The following GRM1 variants were observed in gnomAD, a reference collection of about 807,000 sequenced individuals.
GRM1 encodes metabotropic glutamate receptor 1.
In GRM1, 33 loss-of-function variants were observed where a neutral mutation model predicts 90.9. That is an observed-to-expected ratio of 0.36 (90% CI 0.28 to 0.49). The LOEUF (loss-of-function observed/expected upper bound fraction) is 0.49, where lower values mean the gene tolerates loss of function less well. GRM1 is among the 20% of genes least tolerant of loss of function. The pLI, the probability that GRM1 is intolerant of heterozygous loss-of-function variation, is 0.99. For synonymous variants in GRM1, 700 were observed against 613.2 expected (o/e 1.14, Z -2.09); for missense variants, 1,190 against 1,534.3 (o/e 0.78, Z 3.75).
At position 146,304,821 on chromosome 6, in the gene GRM1, T is replaced by C; in HGVS notation, c.1161T>C (p.Asn387=). The C allele has an allele frequency of 1.2e-6, 2 of 1,613,070 alleles. No homozygotes were observed. The highest frequency in any genetic ancestry group is 1.1e-5 in the South Asian group (1 of 91,050). ...GCCTTCCAGGACACCTTCTGGAAAATCCCAACTTTAAACGAATCTGCACAG... is the reference window on the plus strand; with the variant it reads ...GCCTTCCAGGACACCTTCTGGAAAACCCCAACTTTAAACGAATCTGCACAG... ...QCRLPGHLLE[N]PNFKRICTGN... The change falls in exon 3 of 8, where the codon AAT becomes AAC. Residue 387 remains asparagine, a synonymous_variant. Coordinates refer to ENST00000282753, the MANE Select transcript of GRM1 (RefSeq NM_001278064.2).
intron 1 of GRM1, among the ~76,000 whole-genome samples, chr6:146,066,661 C>T (rs1458784603): frequency 1.3e-5 from 2 of 152,126 alleles, no homozygotes; most frequent in African/African-American, 2.4e-5. Flanking sequence ...AACTAATTTA[C>T]ATTCCACCAA....
chr6:146,408,603 C>T (rs1468110127), intron 7 of GRM1, among the ~76,000 whole-genome samples: 1 of 152,122 alleles, frequency 6.6e-6, no homozygotes, highest in African/African-American at 2.4e-5. Context: ...CGTAATTACC[C>T]CTTCAAGTAA....
At chr6:146,406,108 G>A (rs1043781921) in intron 7 of GRM1, among the ~76,000 whole-genome samples, 3 of 152,204 alleles carry the variant, frequency 2.0e-5, no homozygotes, top group Non-Finnish European at 4.4e-5. Context: ...TAATATCTGA[G>A]AAAAGAGGTG....
At position 146,180,486 on chromosome 6, in the gene GRM1, T is replaced by C. The variant is rs1562513293; in HGVS notation, c.950+20889T>C. Among the ~76,000 whole-genome samples the C allele has an allele frequency of 3.3e-5, 5 of 152,150 alleles. 1 individual carries two copies. In the South Asian group the frequency reaches 1.0e-3, roughly 31 times the overall value. ...AAAAGCAGAGGAACTTTTTTTTTCA[T>C]CTTTACAAGTTAGAGCTCTTGGAGG... On this transcript the variant is annotated intron_variant, in intron 2 of 7. Transcript: ENST00000282753.
chr6:146,096,794 T>C (rs1289116437), intron 1 of GRM1, among the ~76,000 whole-genome samples: 2 of 152,140 alleles, frequency 1.3e-5, no homozygotes, highest in Non-Finnish European at 2.9e-5. Flanking sequence ...AGCTGTGAGA[T>C]AGTTTTGGTT....
intron 6 of GRM1, among the ~76,000 whole-genome samples, chr6:146,392,669 A>C (rs1326295281): frequency 6.6e-6 from 1 of 152,100 alleles, no homozygotes; most frequent in Non-Finnish European, 1.5e-5. Flanking sequence ...ATTTCTCCTA[A>C]AGCTATCCCT....
chr6:146,222,561 A>G (rs1209148639), intron 2 of GRM1, among the ~76,000 whole-genome samples: 2 of 152,034 alleles, frequency 1.3e-5, no homozygotes, highest in African/African-American at 4.8e-5. Context: ...AGGAAAGGAG[A>G]GACAGAGAGA....
intron 2 of GRM1, among the ~76,000 whole-genome samples, chr6:146,240,194 G>C (rs964953909): frequency 6.6e-6 from 1 of 151,966 alleles, no homozygotes; most frequent in African/African-American, 2.4e-5. Context: ...AAACACTTCA[G>C]GGCCATGTAG....
Position 146,177,664 on chromosome 6 carries a change from A to AT in GRM1, c.950+18075dup, listed in dbSNP as rs570841462. ...TAAATGGCATCTCTGCCTTCACTGAATTTTTTTTCTTTTGCTGTTGCTCTC... is the reference window on the plus strand; with the variant it reads ...TAAATGGCATCTCTGCCTTCACTGAATTTTTTTTTCTTTTGCTGTTGCTCTC... On this transcript the variant is annotated intron_variant, in intron 2 of 7. Coordinates refer to ENST00000282753, the MANE Select transcript of GRM1 (RefSeq NM_001278064.2). Among the ~76,000 whole-genome samples the AT allele has an allele frequency of 3.0e-3, 454 of 151,952 alleles. 3 individuals carry two copies. The highest frequency in any genetic ancestry group is 6.0e-3 in the Admixed American group (92 of 15,270).
At chr6:146,192,674 C>T (rs1436601691) in intron 2 of GRM1, among the ~76,000 whole-genome samples, 6 of 152,168 alleles carry the variant, frequency 3.9e-5, no homozygotes, top group African/African-American at 1.4e-4. Flanking sequence ...CACATTTAAA[C>T]TGTGTTGTGA....
intron 3 of GRM1, among the ~76,000 whole-genome samples, chr6:146,305,610 A>G (rs1783549664): frequency 6.6e-6 from 1 of 152,162 alleles, no homozygotes. Flanking sequence ...AATGCCATTC[A>G]AAGCCAGTTG....
intron 1 of GRM1, among the ~76,000 whole-genome samples, chr6:146,140,964 A>C (rs1319404367): frequency 6.6e-6 from 1 of 152,214 alleles, no homozygotes; most frequent in Non-Finnish European, 1.5e-5. Context: ...TACTAGTACC[A>C]GTGAGCTTTG....
intron 1 of GRM1, among the ~76,000 whole-genome samples, chr6:146,146,143 A>G (rs1405526962): frequency 2.7e-5 from 1 of 36,938 alleles, no homozygotes; most frequent in Admixed American, 4.5e-4. Flanking sequence ...TTTTTTTGAG[A>G]CGTGGCGCCA....
At position 146,382,469 on chromosome 6, in the gene GRM1, A is replaced by G. The variant is rs548241259; in HGVS notation, c.1603-4421A>G. 4.6e-5 allele frequency among the ~76,000 whole-genome samples: 7 copies of G among 152,268 alleles called. No homozygotes were observed. In the South Asian group the frequency reaches 1.4e-3, roughly 32 times the overall value. On this transcript the variant is annotated intron_variant, in intron 5 of 7. Coordinates refer to ENST00000282753, the MANE Select transcript of GRM1 (RefSeq NM_001278064.2). ...GTTCCACATAAAATAATGCTTTGAA[A>G]GACTCACTGCTCTAAAATACTCACT...
Position 146,435,005 on chromosome 6 carries a change from C to A in GRM1, c.*209C>A. On this transcript the variant is annotated 3_prime_UTR_variant, in exon 8 of 8. Transcript: ENST00000282753. ...GCAAAAAATGTTCCAGGCCAGGATT[C>A]GGATTCTTGAATTACTCGAAGCCTT... 1.6e-6 allele frequency: 1 copy of A among 620,862 alleles called. No homozygotes were observed. The highest frequency in any genetic ancestry group is 1.9e-5 in the South Asian group (1 of 53,120). The allele number at this position is 620,862 out of a possible 1,614,324, so 38.5% of individuals were successfully genotyped here.
At chr6:146,140,534 T>C (rs1040096431) in intron 1 of GRM1, among the ~76,000 whole-genome samples, 1 of 152,122 alleles carries the variant, frequency 6.6e-6, no homozygotes. Flanking sequence ...CTCCCAAAAT[T>C]CTGGGATTAT....
intron 7 of GRM1, among the ~76,000 whole-genome samples, chr6:146,408,781 C>A (rs1777450351): frequency 6.6e-6 from 1 of 152,122 alleles, no homozygotes; most frequent in African/African-American, 2.4e-5. Context: ...GGCAACCTGT[C>A]CCTGCTTGGC....
At chr6:146,160,254 C>A (rs1235204386) in intron 2 of GRM1, among the ~76,000 whole-genome samples, 1 of 152,164 alleles carries the variant, frequency 6.6e-6, no homozygotes, top group East Asian at 1.9e-4. Flanking sequence ...ATCATCTTGT[C>A]ACATTTATGA....
At chr6:146,128,780 T>G (rs952659447) in intron 1 of GRM1, among the ~76,000 whole-genome samples, 1 of 152,146 alleles carries the variant, frequency 6.6e-6, no homozygotes, top group Non-Finnish European at 1.5e-5. Context: ...AGAGGTAAAC[T>G]TCTGAGAATC....
Sources: allele counts gnomAD v4.1 joint callset (sites outside exome capture counted in the v4.1 genomes callset), GRCh38; gene constraint gnomAD v4.1.1; transcripts MANE v1.5; gene names NCBI Gene and HGNC (gene_info 2026-07-23, HGNC 2026-07-21).